HHIPL1: variants seen among roughly 807,000 people sequenced by gnomAD.
HHIPL1 encodes HHIP-like protein 1.
In HHIPL1, 43 loss-of-function variants were observed where a neutral mutation model predicts 61.8. The observed-to-expected ratio is 0.70, with a 90% CI of 0.55 to 0.90. The LOEUF (loss-of-function observed/expected upper bound fraction) is 0.90, where lower values mean the gene tolerates loss of function less well. Ranked by LOEUF, HHIPL1 falls within the 40% of genes least tolerant of loss-of-function variation. The pLI, the probability that HHIPL1 is intolerant of heterozygous loss-of-function variation, is 0.00. For synonymous variants in HHIPL1, 482 were observed against 515.8 expected, an observed-to-expected ratio of 0.93 and a Z score of 0.89; for missense variants, 1,056 against 1,157.7, an observed-to-expected ratio of 0.91 and a Z score of 1.28.
At chr14:99,616,982 C>G in the HHIPL1 span, among the ~76,000 whole-genome samples, 1 of 152,062 alleles carries the variant, frequency 6.6e-6, no homozygotes, top group African/African-American at 2.4e-5. Context: ...CTGAGAACAA[C>G]CAGGGAGTGT....
intron 6 of HHIPL1, among the ~76,000 whole-genome samples, chr14:99,664,291 G>A (rs541450768): frequency 1.6e-4 from 24 of 152,282 alleles, no homozygotes; most frequent in Middle Eastern, 3.4e-3. Flanking sequence ...TTGTTGAACC[G>A]TCAGAATCTG....
In HHIPL1 at chr14:99,652,610, G is replaced by T. The variant is rs1412212247; in HGVS notation, c.642G>T (p.Gln214His). Residue 214 changes from glutamine (Q) to histidine (H), a missense_variant, in exon 2 of 9, where the codon CAG (glutamine) becomes CAT (histidine). Coordinates refer to ENST00000330710, the MANE Select transcript of HHIPL1 (RefSeq NM_001127258.3). ...DGTHRFFVAE[Q>H]VGLVWAYLPD... ...CCCACCGCTTCTTCGTGGCCGAGCA[G>T]GTGGGGCTGGTGTGGGCCTACCTGC... 1.2e-6 allele frequency: 2 copies of T among 1,613,406 alleles called. No homozygotes were observed. Among genetic ancestry groups the T allele is most frequent in the East Asian group, 2.2e-5 (1 of 44,872 alleles).
At chr14:99,611,254 C>T in the HHIPL1 span, among the ~76,000 whole-genome samples, 3 of 151,840 alleles carry the variant, frequency 2.0e-5, no homozygotes, top group Non-Finnish European at 2.9e-5. Context: ...CTGCCTCAGC[C>T]TCCTGAGTAG....
the HHIPL1 span, among the ~76,000 whole-genome samples, chr14:99,622,392 T>A: frequency 6.6e-6 from 1 of 152,162 alleles, no homozygotes; most frequent in Non-Finnish European, 1.5e-5. Context: ...CTCATTGCCC[T>A]GCTCTCCAGC....
chr14:99,637,049 A>AAGAG, the HHIPL1 span, among the ~76,000 whole-genome samples: 3 of 94,084 alleles, frequency 3.2e-5, no homozygotes, highest in Non-Finnish European at 7.5e-5. Flanking sequence ...GAAAGAAAGA[A>AAGAG]GGAAGGAAGG....
At chr14:99,631,924 G>A in the HHIPL1 span, among the ~76,000 whole-genome samples, 1 of 152,194 alleles carries the variant, frequency 6.6e-6, no homozygotes, top group African/African-American at 2.4e-5. Flanking sequence ...CAGACATCCT[G>A]GGATGAGGGG....
chr14:99,612,036 T>G, the HHIPL1 span, among the ~76,000 whole-genome samples: 1 of 152,176 alleles, frequency 6.6e-6, no homozygotes, highest in Non-Finnish European at 1.5e-5. Context: ...TTCTTGAGGC[T>G]CTGTATTAAT....
At chr14:99,673,163 G>A (rs894380016) in intron 8 of HHIPL1, among the ~76,000 whole-genome samples, 6 of 152,104 alleles carry the variant, frequency 3.9e-5, no homozygotes, top group African/African-American at 1.4e-4. Context: ...GGGTGTGTAT[G>A]GGGGTGGGGA....
the HHIPL1 span, among the ~76,000 whole-genome samples, chr14:99,631,054 TTCTTTCTTTC>T: frequency 3.3e-3 from 249 of 75,482 alleles, no homozygotes; most frequent in Admixed American, 0.015. Flanking sequence ...TCCATTTTCT[TTCTTTCTTTC>T]TTTCTTTCTT....
At chr14:99,669,190 A>C in intron 7 of HHIPL1, 1 of 1,263,658 alleles carries the variant, frequency 7.9e-7, no homozygotes, top group South Asian at 2.6e-5. Flanking sequence ...GTATCTCTTC[A>C]CTCTGCAGAG....
chr14:99,664,581 GC>G (rs904976530), intron 6 of HHIPL1, among the ~76,000 whole-genome samples: 19 of 152,258 alleles, frequency 1.2e-4, no homozygotes, highest in African/African-American at 4.6e-4. Flanking sequence ...AGAGCCCGGA[GC>G]CCTGGGGTCC....
At chr14:99,631,260 C>G in the HHIPL1 span, among the ~76,000 whole-genome samples, 21 of 151,912 alleles carry the variant, frequency 1.4e-4, no homozygotes, top group Middle Eastern at 3.2e-3. Context: ...CCATACCCGG[C>G]TAAGTTTTGT....
the HHIPL1 span, among the ~76,000 whole-genome samples, chr14:99,621,414 T>C: frequency 6.6e-6 from 1 of 152,178 alleles, no homozygotes; most frequent in Non-Finnish European, 1.5e-5. Context: ...GCGAAGGCCC[T>C]CTCTGATCTT....
chr14:99,663,011 G>A lies in HHIPL1; in HGVS notation c.1638G>A (p.Glu546=), dbSNP rs1208839365. The part of the protein sequence containing the change: ...NYYPYIISFG[E]DEAGELYFMS... The stretch of plus-strand genomic sequence containing the variant: ...ACCCGTACATCATCTCCTTCGGGGA[G>A]GACGAGGCCGGTGAGCACTCCTGAG... Residue 546 remains glutamate (E), a synonymous_variant, in exon 6 of 9, where the codon GAG becomes GAA. Transcript: ENST00000330710. The A allele has an allele frequency of 1.9e-6, 3 of 1,606,256 alleles. No individual in the cohort carries two copies. Among genetic ancestry groups the A allele is most frequent in the Non-Finnish European group, 2.5e-6 (3 of 1,176,546 alleles).
rs1182860559 is a variant in HHIPL1, at chr14:99,659,731, C to T, written c.1350C>T (p.Arg450=). 1 of 1,452,762 alleles carries T rather than the reference C, an allele frequency of 6.9e-7. No individual in the cohort carries two copies. Among genetic ancestry groups the T allele is most frequent in the African/African-American group, 1.5e-5 (1 of 68,038 alleles). The allele number at this position is 1,452,762 out of a possible 1,614,324, so 90.0% of individuals were successfully genotyped here. A position where few individuals can be genotyped will look rare whatever the true frequency, so the allele number is the denominator to read the frequency against. Residue 450 remains arginine, a synonymous_variant, in exon 4 of 9, where the codon CGC becomes CGT. Transcript: ENST00000330710. ...RAREGFECYD[R]SLCANTSLND... ...GCGAAGGGTTCGAGTGCTACGACCG[C>T]AGCCTGTGCGCCAACACCTCTCTCA...
At chr14:99,643,361 CT>C (rs377064904), upstream of HHIPL1, among the ~76,000 whole-genome samples, 238 of 152,288 alleles carry the variant, frequency 1.6e-3, 1 homozygote, top group African/African-American at 5.2e-3. Flanking sequence ...CTTTTCTTAT[CT>C]TTTTTTCATG....
intron 7 of HHIPL1, among the ~76,000 whole-genome samples, chr14:99,670,132 G>A (rs1225350697): frequency 7.0e-6 from 1 of 142,496 alleles, no homozygotes; most frequent in Non-Finnish European, 1.5e-5. Flanking sequence ...TTTTTTTTGA[G>A]ACGGAGTCTT....
Position 99,672,417 on chromosome 14 carries a change from G to A in HHIPL1, c.1813+18G>A. 6.5e-7 allele frequency: 1 copy of A among 1,543,854 alleles called. No homozygotes were observed. The highest frequency in any genetic ancestry group is 8.8e-7 in the Non-Finnish European group (1 of 1,140,444). On this transcript the variant is annotated intron_variant, in intron 8 of 8. Transcript: ENST00000330710. ...CAAAGAAAGTAAGTGCCTGCCAGTGGGACACTGAGGGTTGGGGGAGAGATC... is the reference window on the plus strand; with the variant it reads ...CAAAGAAAGTAAGTGCCTGCCAGTGAGACACTGAGGGTTGGGGGAGAGATC...
chr14:99,657,035 A>C lies in HHIPL1; in HGVS notation c.938A>C (p.His313Pro), dbSNP rs2056057946. 6.2e-7 allele frequency: 1 copy of C among 1,613,276 alleles called. No individual in the cohort carries two copies. The highest frequency in any genetic ancestry group is 8.5e-7 in the Non-Finnish European group (1 of 1,179,694). ...ILEVKEPASN[H>P]NGGQLLFGDD... ...GAGGTCAAAGAACCAGCCTCAAACCACAACGGGGGCCAGCTGCTTTTCGGG... is the reference window on the plus strand; with the variant it reads ...GAGGTCAAAGAACCAGCCTCAAACCCCAACGGGGGCCAGCTGCTTTTCGGG... Residue 313 changes from histidine (H) to proline (P), a missense_variant, in exon 3 of 9, where the codon CAC becomes CCC. Coordinates refer to ENST00000330710, the MANE Select transcript of HHIPL1 (RefSeq NM_001127258.3).
Sources: gnomAD v4.1 joint callset for allele counts (sites outside exome capture counted in the v4.1 genomes callset) on GRCh38, gnomAD v4.1.1 for gene constraint, MANE v1.5 for transcripts, NCBI Gene and HGNC (gene_info 2026-07-23, HGNC 2026-07-21) for gene names.